The following DST variants were observed in gnomAD, a reference collection of about 807,000 sequenced individuals.
DST encodes dystonin, also known as bullous pemphigoid antigen.
Under a neutral mutation model 875.2 loss-of-function variants are expected in DST, and 253 were observed. The ratio of observed to expected loss-of-function variants is 0.29; its 90% CI spans 0.26 to 0.32. The LOEUF (loss-of-function observed/expected upper bound fraction) is 0.32, where lower values mean the gene tolerates loss of function less well. DST is among the 10% of genes least tolerant of loss of function. The pLI is 1.00. For missense variants in DST, 8,287 were observed against 9,111.6 expected (o/e 0.91, Z 3.68); for synonymous variants, 3,124 against 3,197.1 (o/e 0.98, Z 0.77).
At position 56,639,589 on chromosome 6, in the gene DST, C is replaced by A. The variant is rs772145192; in HGVS notation, c.2720G>T (p.Arg907Leu). 18 of 1,613,522 alleles carry A rather than the reference C, an allele frequency of 1.1e-5. No homozygotes were observed. The highest frequency in any genetic ancestry group is 1.7e-5 in the Admixed American group (1 of 59,966). The change falls in exon 21 of 104, where the codon CGG (arginine) becomes CTG (leucine). Residue 907 changes from arginine (R) to leucine (L), a missense_variant. Arg to Leu is a moderately radical substitution (Grantham distance 102, BLOSUM62 -2). Around this residue, in one of 10 missense-constraint regions of DST, gnomAD observed 1,160 missense variants for 1,424.3 expected, o/e 0.81. Coordinates refer to ENST00000680361, the MANE Select transcript of DST (RefSeq NM_001374736.1). ...KLLNTSRNQERHLDTLHNFVS... is the reference protein window; with the variant it reads ...KLLNTSRNQELHLDTLHNFVS... ...AAAATTATGGAGTGTATCAAGGTGC[C>A]GTTCTTGATTCCTGGATGTATTCTT... is the stretch of plus-strand genomic sequence containing the variant.
At chr6:56,680,580 T>G (rs1213405628) in intron 9 of DST, among the ~76,000 whole-genome samples, 4 of 152,232 alleles carry the variant, frequency 2.6e-5, no homozygotes, top group African/African-American at 9.6e-5. Flanking sequence ...TCACTGGCAA[T>G]CTTTCTTCTT....
intron 88 of DST, 61 bp downstream of exon 88, chr6:56,485,251 C>T: frequency 2.5e-6 from 4 of 1,579,930 alleles, no homozygotes; most frequent in South Asian, 1.1e-5. Context: ...AAATGGTTTA[C>T]ATTTCCTGTA....
chr6:56,465,082 T>C (rs1279021321), intron 99 of DST, among the ~76,000 whole-genome samples: 2 of 152,206 alleles, frequency 1.3e-5, no homozygotes, highest in African/African-American at 2.4e-5. Context: ...CTTTTGTTCT[T>C]GTTTTACTTC....
chr6:56,509,225 C>T (rs1025497991), intron 74 of DST, among the ~76,000 whole-genome samples: 4 of 152,122 alleles, frequency 2.6e-5, no homozygotes, highest in Admixed American at 1.3e-4. Context: ...ACCCTCAGCT[C>T]GTATCTCAAA....
At chr6:56,642,807 GTTCT>G in intron 15 of DST, 2 of 1,613,548 alleles carry the variant, frequency 1.2e-6, no homozygotes, top group Non-Finnish European at 1.7e-6. Context: ...CTGAAACGAT[GTTCT>G]TTCTTTCACC....
chr6:56,601,401 C>T (rs962753430), intron 44 of DST, 42 bp downstream of exon 44: 20 of 1,358,930 alleles, frequency 1.5e-5, no homozygotes, highest in Non-Finnish European at 4.1e-6. Context: ...TATGGTTTCA[C>T]ACTAAAAACA....
Position 56,624,542 on chromosome 6 carries a change from C to T in DST, c.4917G>A (p.Leu1639=). Residue 1639 remains leucine (L), a synonymous_variant, in exon 36 of 104, where the codon CTG becomes CTA. Coordinates refer to ENST00000680361, the MANE Select transcript of DST (RefSeq NM_001374736.1). ...TGTTAATGATTACCTCCTCCTCTTC[C>T]AGCCTCTTCAATGAATCACCAGCAA... ...IKFAGDSLKR[L]EEEEKSLEEE... The T allele has an allele frequency of 6.2e-7, 1 of 1,610,556 alleles. No homozygotes were observed. Among genetic ancestry groups the T allele is most frequent in the South Asian group, 1.1e-5 (1 of 91,018 alleles).
chr6:56,656,829 C>T (rs577391000), intron 10 of DST, among the ~76,000 whole-genome samples: 1 of 152,088 alleles, frequency 6.6e-6, no homozygotes, highest in East Asian at 1.9e-4. Context: ...TATTGGTAAC[C>T]CCCATAAAGA....
At position 56,584,522 on chromosome 6, in the gene DST, A is replaced by G. The variant is rs138631261; in HGVS notation, c.12904-5585T>C. ...AGGCCATGGGGTTTTCTAGATATAC[A>G]ATCATGTTGCCTGCAAACAGGGACA... is the stretch of plus-strand genomic sequence containing the variant. On this transcript the variant is annotated intron_variant, in intron 49 of 103. Coordinates refer to ENST00000680361, the MANE Select transcript of DST (RefSeq NM_001374736.1). 5.6e-3 allele frequency among the ~76,000 whole-genome samples: 844 copies of G among 150,456 alleles called. 46 individuals are homozygous for G. The highest frequency in any genetic ancestry group is 0.021 in the African/African-American group (820 of 39,744).
rs745808070 is a variant in DST at position 56,605,419 on chromosome 6, T to C, written c.9209A>G (p.Asn3070Ser). The C allele has an allele frequency of 2.1e-5, 34 of 1,612,904 alleles. No individual in the cohort carries two copies. The Middle Eastern group carries it at 5.0e-4, about 23-fold the overall frequency. Residue 3070 changes from asparagine to serine, a missense_variant, in exon 40 of 104, where the codon AAT (asparagine) becomes AGT (serine). Around this residue, in one of 10 missense-constraint regions of DST, gnomAD observed 3,138 missense variants for 3,116.6 expected, o/e 1.01. Coordinates refer to ENST00000680361, the MANE Select transcript of DST (RefSeq NM_001374736.1). ...VLVEGLVEEE[N>S]RHLKLLPGKN... is the part of the protein sequence containing the mutation. ...ACCAGGCAAAAGTTTGAGATGCCTA[T>C]TTTCTTCTTCTACTAGACCTTCTAC...
chr6:56,920,665 T>A (rs1803620032), intron 2 of DST, among the ~76,000 whole-genome samples: 1 of 151,942 alleles, frequency 6.6e-6, no homozygotes, highest in Non-Finnish European at 1.5e-5. Flanking sequence ...GTTCCAAAAT[T>A]ACTAACTTTC....
At chr6:56,595,425 T>C (rs1332725900) in intron 47 of DST, among the ~76,000 whole-genome samples, 2 of 152,100 alleles carry the variant, frequency 1.3e-5, no homozygotes, top group African/African-American at 4.8e-5. Context: ...TAACCTACCA[T>C]ATAACTTAGT....
chr6:56,616,488 T>C (rs2098623568), intron 36 of DST: 2 of 1,614,016 alleles, frequency 1.2e-6, no homozygotes, highest in Non-Finnish European at 1.7e-6. Context: ...TTGGAAATGT[T>C]CCTCTCCCCA....
Position 56,527,152 on chromosome 6 carries a change from A to G in DST, c.17922+341T>C, listed in dbSNP as rs1288666123. 2.6e-5 allele frequency among the ~76,000 whole-genome samples: 4 copies of G among 152,186 alleles called. No homozygotes were observed. In the East Asian group the frequency reaches 7.7e-4, roughly 29 times the overall value. On this transcript the variant is annotated intron_variant, in intron 68 of 103. Coordinates refer to ENST00000680361, the MANE Select transcript of DST (RefSeq NM_001374736.1). ...GTGATATAATTAGAAAACCCACCCC[A>G]TGTTATCTTATAGAAATATTGGTAT...
Position 56,561,545 on chromosome 6 carries a change from T to C in DST, c.14073A>G (p.Leu4691=). 6.2e-7 allele frequency: 1 copy of C among 1,611,634 alleles called. No homozygotes were observed. The highest frequency in any genetic ancestry group is 8.5e-7 in the Non-Finnish European group (1 of 1,178,702). The stretch of plus-strand genomic sequence containing the variant: ...CAGTCATGTCCTTTTTAATGGATGT[T>C]AAACCTAGGAGTAAGAAAAACAACT... ...NTEEFWANKG[L]TSIKKDMTDI... is the part of the protein sequence containing the mutation. The change falls in exon 57 of 104, where the codon TTA becomes TTG. Residue 4691 remains leucine, a synonymous_variant. Coordinates refer to ENST00000680361, the MANE Select transcript of DST (RefSeq NM_001374736.1).
At chr6:56,610,244 G>A (rs2152717634) in intron 39 of DST, among the ~76,000 whole-genome samples, 183 bp downstream of exon 39, 1 of 152,300 alleles carries the variant, frequency 6.6e-6, no homozygotes, top group Non-Finnish European at 1.5e-5. Context: ...CTGATGGTCA[G>A]CATGTGTAAG....
chr6:56,498,702 T>C (rs1342414610), intron 80 of DST, among the ~76,000 whole-genome samples: 1 of 152,212 alleles, frequency 6.6e-6, no homozygotes, highest in African/African-American at 2.4e-5. Context: ...CAGTACCATA[T>C]TTTACAATCA....
intron 4 of DST, among the ~76,000 whole-genome samples, chr6:56,765,964 T>C (rs2099632296): frequency 6.6e-6 from 1 of 152,244 alleles, no homozygotes; most frequent in South Asian, 2.1e-4. Context: ...ACTTGAACTA[T>C]ATGTGGGCAA....
At chr6:56,801,621 G>A (rs2099747021) in intron 4 of DST, among the ~76,000 whole-genome samples, 1 of 151,794 alleles carries the variant, frequency 6.6e-6, no homozygotes, top group African/African-American at 2.4e-5. Context: ...GACTCGACAT[G>A]TTCATAAAGG....
Sources: gnomAD v4.1 joint callset for allele counts (sites outside exome capture counted in the v4.1 genomes callset) on GRCh38, gnomAD v4.1.1 for gene constraint, gnomAD v4.1.1 regional missense constraint, MANE v1.5 for transcripts, NCBI Gene and HGNC (gene_info 2026-07-23, HGNC 2026-07-21) for gene names.